GBE1: variants seen among roughly 807,000 people sequenced by gnomAD.
GBE1 encodes 1,4-alpha-glucan-branching enzyme.
GBE1 carries 70 observed loss-of-function variants against 88.8 expected under a neutral mutation model. The observed-to-expected ratio is 0.79, with a 90% CI of 0.65 to 0.96. The LOEUF is 0.96. Among genes scored for constraint, GBE1 ranks in the 40% least tolerant of loss-of-function variants. The probability of loss-of-function intolerance (pLI) is 0.00; values close to 1 mark genes in which losing one functional copy is unlikely to be tolerated. For synonymous variants in GBE1, 284 were observed against 300.1 expected (o/e 0.95, Z 0.56); for missense variants, 872 against 871.0 (o/e 1.00, Z -0.01).
intron 7 of GBE1, among the ~76,000 whole-genome samples, chr3:81,594,775 C>A: frequency 6.6e-6 from 1 of 152,002 alleles, no homozygotes; most frequent in East Asian, 1.9e-4. Context: ...AAACACCACA[C>A]GAAACAAGTC....
chr3:81,707,353 T>A (rs190731890), intron 1 of GBE1, among the ~76,000 whole-genome samples: 3 of 152,190 alleles, frequency 2.0e-5, no homozygotes, highest in East Asian at 1.9e-4. Flanking sequence ...GGGATTTTTT[T>A]AAATATTGTC....
At chr3:81,607,197 T>C (rs1704115141) in intron 7 of GBE1, among the ~76,000 whole-genome samples, 1 of 152,204 alleles carries the variant, frequency 6.6e-6, no homozygotes, top group African/African-American at 2.4e-5. Flanking sequence ...CTGATAGTCA[T>C]TGCTGTCTAA....
intron 7 of GBE1, among the ~76,000 whole-genome samples, chr3:81,622,325 C>A (rs1315584560): frequency 1.3e-5 from 2 of 152,210 alleles, no homozygotes; most frequent in Admixed American, 1.3e-4. Flanking sequence ...TGAGCACTAA[C>A]TCCTTCTAAA....
chr3:81,596,035 A>G (rs536318902), intron 7 of GBE1, among the ~76,000 whole-genome samples: 1 of 151,988 alleles, frequency 6.6e-6, no homozygotes, highest in Non-Finnish European at 1.5e-5. Context: ...ACAAGATTAA[A>G]GTGATAAGTC....
intron 7 of GBE1, among the ~76,000 whole-genome samples, chr3:81,626,477 G>A (rs1254256054): frequency 2.0e-5 from 3 of 152,180 alleles, no homozygotes; most frequent in Middle Eastern, 3.4e-3. Context: ...ATAAAAAGAG[G>A]AAGCCTTGAG....
intron 15 of GBE1, among the ~76,000 whole-genome samples, chr3:81,493,964 T>A (rs911961721): frequency 6.6e-6 from 1 of 152,144 alleles, no homozygotes; most frequent in African/African-American, 2.4e-5. Flanking sequence ...CTGGTCTTTT[T>A]ATGTAAGGAG....
At chr3:81,588,962 A>G (rs1381711308) in intron 9 of GBE1, among the ~76,000 whole-genome samples, 2 of 152,108 alleles carry the variant, frequency 1.3e-5, no homozygotes, top group Admixed American at 1.3e-4. Context: ...AAGTTGCCTC[A>G]TTAATGCATA....
chr3:81,700,771 A>G (rs1418910103), intron 2 of GBE1, among the ~76,000 whole-genome samples: 1 of 152,202 alleles, frequency 6.6e-6, no homozygotes, highest in African/African-American at 2.4e-5. Flanking sequence ...CTGCAAAAAT[A>G]TCAGTGGTTC....
chr3:81,747,687 A>C (rs1484185805), intron 1 of GBE1, among the ~76,000 whole-genome samples: 1 of 152,060 alleles, frequency 6.6e-6, no homozygotes, highest in Non-Finnish European at 1.5e-5. Context: ...ATGACATTCC[A>C]CCATTGTGAT....
intron 14 of GBE1, among the ~76,000 whole-genome samples, chr3:81,518,907 G>C (rs1702834592): frequency 1.3e-5 from 2 of 151,246 alleles, no homozygotes; most frequent in Admixed American, 1.3e-4. Flanking sequence ...AGAAAACCCT[G>C]AATTTGCTTT....
At chr3:81,591,003 G>A (rs1236860355) in intron 9 of GBE1, 34 bp downstream of exon 9, 1 of 1,571,868 alleles carries the variant, frequency 6.4e-7, no homozygotes, top group East Asian at 2.3e-5. Context: ...TCTATTAAAG[G>A]GGGTCAGAAG....
At chr3:81,730,773 AC>A (rs1313213881) in intron 1 of GBE1, among the ~76,000 whole-genome samples, 1 of 152,116 alleles carries the variant, frequency 6.6e-6, no homozygotes, top group East Asian at 1.9e-4. Context: ...TTCATAAAGA[AC>A]CCCGTGTAGC....
intron 1 of GBE1, among the ~76,000 whole-genome samples, chr3:81,735,225 T>C (rs138441768): frequency 3.7e-4 from 56 of 152,274 alleles, no homozygotes; most frequent in African/African-American, 1.3e-3. Flanking sequence ...ATTATGTTAC[T>C]CCATATTTGA....
Position 81,627,766 on chromosome 3 carries a change from T to TA in GBE1, c.992+15014dup, listed in dbSNP as rs869068286. The stretch of plus-strand genomic sequence containing the variant: ...TTTTACATATATATATATATATATA[T>TA]AAAAAACATATATATTTGTTGTTGT... On this transcript the variant is annotated intron_variant, in intron 7 of 15. Coordinates refer to ENST00000429644, the MANE Select transcript of GBE1 (RefSeq NM_000158.4). Among the ~76,000 whole-genome samples, 6 of 65,926 alleles carry TA rather than the reference T, an allele frequency of 9.1e-5. No homozygotes were observed. The Admixed American group carries it at 9.6e-4, about 11-fold the overall frequency. 43.3% of individuals were successfully genotyped at this position (65,926 alleles called of 152,430 possible).
chr3:81,701,016 A>G (rs1011265268), intron 2 of GBE1, among the ~76,000 whole-genome samples: 25 of 152,196 alleles, frequency 1.6e-4, no homozygotes, highest in African/African-American at 5.3e-4. Context: ...GTTATTTTCA[A>G]TTATTTAGCA....
At chr3:81,701,513 G>GTT (rs35771080) in intron 2 of GBE1, among the ~76,000 whole-genome samples, 198 of 147,318 alleles carry the variant, frequency 1.3e-3, no homozygotes, top group Admixed American at 5.6e-3. Context: ...AAATAAGAGG[G>GTT]TTTTTTTTTT....
intron 7 of GBE1, among the ~76,000 whole-genome samples, chr3:81,629,594 G>C (rs1439664236): frequency 6.6e-6 from 1 of 152,146 alleles, no homozygotes; most frequent in Non-Finnish European, 1.5e-5. Flanking sequence ...TTAACAGCAA[G>C]AGCCTTCAGA....
chr3:81,668,139 A>G lies in GBE1; in HGVS notation c.429+2699T>C, dbSNP rs1008507354. Among the ~76,000 whole-genome samples the G allele has an allele frequency of 3.3e-5, 5 of 152,136 alleles. No homozygotes were observed. The East Asian group carries it at 9.6e-4, about 29-fold the overall frequency. On this transcript the variant is annotated intron_variant, in intron 3 of 15. Coordinates refer to ENST00000429644, the MANE Select transcript of GBE1 (RefSeq NM_000158.4). ...ACAGGAACAGAAAACCACACACTGC[A>G]TGTTCTCACTCATAAATGGGAGTTG...
chr3:81,515,944 C>G (rs1702793323), intron 14 of GBE1, among the ~76,000 whole-genome samples: 4 of 151,576 alleles, frequency 2.6e-5, no homozygotes, highest in African/African-American at 7.3e-5. Context: ...AAGTTTAAAG[C>G]TAGGAGAGAC....
Sources: gnomAD v4.1 joint callset for allele counts (sites outside exome capture counted in the v4.1 genomes callset) on GRCh38, gnomAD v4.1.1 for gene constraint, MANE v1.5 for transcripts, NCBI Gene and HGNC (gene_info 2026-07-23, HGNC 2026-07-21) for gene names.